The following PGBD5 variants were observed in gnomAD, a reference collection of about 807,000 sequenced individuals.
The protein encoded by PGBD5 is piggyBac transposable element derived 5.
Under a neutral mutation model 47.9 loss-of-function variants are expected in PGBD5, and 14 were observed. The ratio of observed to expected loss-of-function variants is 0.29; its 90% CI spans 0.19 to 0.46. The LOEUF (loss-of-function observed/expected upper bound fraction) is 0.46. Among genes scored for constraint, PGBD5 ranks in the 20% least tolerant of loss-of-function variants. The pLI, the probability that PGBD5 is intolerant of heterozygous loss-of-function variation, is 1.00. For synonymous variants in PGBD5, 316 were observed against 306.3 expected (o/e 1.03, Z -0.33); for missense variants, 635 against 716.0 (o/e 0.89, Z 1.29).
intron 1 of PGBD5, among the ~76,000 whole-genome samples, chr1:230,383,908 C>T (rs1054221483): frequency 1.3e-5 from 2 of 152,108 alleles, no homozygotes; most frequent in Non-Finnish European, 2.9e-5. Flanking sequence ...GGAGATGAAG[C>T]CAGTGGTGAG....
At chr1:230,362,236 C>A in intron 1 of PGBD5, 1 of 1,357,322 alleles carries the variant, frequency 7.4e-7, no homozygotes, top group Non-Finnish European at 9.8e-7. Context: ...CAGGTGAGAC[C>A]TGGCTGGGAT....
Position 230,319,166 on chromosome 1 carries a change from G to A in PGBD5, c.*4259C>T, listed in dbSNP as rs1257511209. Reference sequence around the variant, plus strand: ...GGTCTGCTTACCTGGGCGAACCATTGCACCACTCCATCTGGGCGTGGTGAC... The same window carrying A: ...GGTCTGCTTACCTGGGCGAACCATTACACCACTCCATCTGGGCGTGGTGAC... On this transcript the variant is annotated 3_prime_UTR_variant, in exon 7 of 7. Transcript: ENST00000391860. 1 of 152,244 alleles carries A rather than the reference G, an allele frequency of 6.6e-6. No individual in the cohort carries two copies. The highest frequency in any genetic ancestry group is 1.5e-5 in the Non-Finnish European group (1 of 68,086). The allele number at this position is 152,244 out of a possible 1,614,324, so 9.4% of individuals were successfully genotyped here.
At chr1:230,383,256 T>C (rs1656556670) in intron 1 of PGBD5, among the ~76,000 whole-genome samples, 1 of 151,910 alleles carries the variant, frequency 6.6e-6, no homozygotes, top group South Asian at 2.1e-4. Flanking sequence ...TTTTTTTTTG[T>C]AGAGACAGGG....
chr1:230,345,069 CAG>C (rs1478803326), intron 3 of PGBD5, among the ~76,000 whole-genome samples: 1 of 152,208 alleles, frequency 6.6e-6, no homozygotes, highest in Non-Finnish European at 1.5e-5. Flanking sequence ...CGTGTTCAAA[CAG>C]GAGAAATCTG....
At chr1:230,406,782 A>C (rs939009445) in intron 1 of PGBD5, among the ~76,000 whole-genome samples, 1 of 152,236 alleles carries the variant, frequency 6.6e-6, no homozygotes, top group Non-Finnish European at 1.5e-5. Context: ...AAAAGCAAAA[A>C]CTCAACTATA....
At chr1:230,337,391 G>T in intron 3 of PGBD5, 103 bp from the exon 4 acceptor site, 1 of 1,157,582 alleles carries the variant, frequency 8.6e-7, no homozygotes, top group Non-Finnish European at 1.2e-6. Flanking sequence ...TCATCCAGTT[G>T]GGAGCCCATG....
intron 1 of PGBD5, among the ~76,000 whole-genome samples, chr1:230,404,799 G>A (rs529931313): frequency 1.3e-5 from 2 of 151,108 alleles, no homozygotes; most frequent in Non-Finnish European, 3.0e-5. Flanking sequence ...TGGGCGTGGT[G>A]GAGTAATCCC....
At chr1:230,355,896 G>C (rs183364342) in intron 2 of PGBD5, among the ~76,000 whole-genome samples, 27 of 152,154 alleles carry the variant, frequency 1.8e-4, no homozygotes, top group African/African-American at 6.3e-4. Context: ...CCACAGACAC[G>C]AAATAGGGCA....
intron 1 of PGBD5, among the ~76,000 whole-genome samples, chr1:230,397,345 C>G (rs886310109): frequency 2.0e-5 from 3 of 152,208 alleles, no homozygotes; most frequent in African/African-American, 7.2e-5. Context: ...AAAAACACCA[C>G]CATAGCATTC....
intron 1 of PGBD5, among the ~76,000 whole-genome samples, chr1:230,359,061 A>G (rs1332795753): frequency 6.6e-6 from 1 of 151,314 alleles, no homozygotes; most frequent in African/African-American, 2.4e-5. Context: ...CTGTATATTG[A>G]TTTTTCTTTT....
chr1:230,381,436 C>T (rs1656485937), intron 1 of PGBD5, among the ~76,000 whole-genome samples: 1 of 152,236 alleles, frequency 6.6e-6, no homozygotes, highest in African/African-American at 2.4e-5. Context: ...TTCTCAGTCT[C>T]AGCATCTTGG....
At chr1:230,393,986 C>G (rs987388875) in intron 1 of PGBD5, among the ~76,000 whole-genome samples, 2 of 152,118 alleles carry the variant, frequency 1.3e-5, no homozygotes, top group African/African-American at 2.4e-5. Flanking sequence ...CTCTCCCACT[C>G]TTCTGGCTCA....
At chr1:230,353,598 G>C (rs1667591432) in intron 2 of PGBD5, among the ~76,000 whole-genome samples, 1 of 152,148 alleles carries the variant, frequency 6.6e-6, no homozygotes, top group African/African-American at 2.4e-5. Context: ...TGTGCTGTGT[G>C]TTTGGAGTGC....
At chr1:230,407,458 A>C (rs1360050985) in intron 1 of PGBD5, among the ~76,000 whole-genome samples, 1 of 152,212 alleles carries the variant, frequency 6.6e-6, no homozygotes, top group African/African-American at 2.4e-5. Flanking sequence ...CTCCTTCTGT[A>C]TCTTGTACAG....
intron 4 of PGBD5, among the ~76,000 whole-genome samples, chr1:230,335,950 C>CAG (rs1164814044): frequency 6.6e-6 from 1 of 151,878 alleles, no homozygotes; most frequent in Non-Finnish European, 1.5e-5. Flanking sequence ...CACAAAGACA[C>CAG]AGAGACACAC....
chr1:230,406,639 TA>T (rs1442312285), intron 1 of PGBD5, among the ~76,000 whole-genome samples: 1 of 152,224 alleles, frequency 6.6e-6, no homozygotes, highest in Non-Finnish European at 1.5e-5. Context: ...AATTATTTCA[TA>T]TATTAGCTTT....
chr1:230,368,835 T>G (rs752970328), intron 1 of PGBD5, among the ~76,000 whole-genome samples: 1 of 152,232 alleles, frequency 6.6e-6, no homozygotes, highest in African/African-American at 2.4e-5. Context: ...AGGTAGGGTG[T>G]GCGCTGGGCC....
intron 1 of PGBD5, among the ~76,000 whole-genome samples, chr1:230,424,923 G>T (rs1268779614): frequency 6.6e-6 from 1 of 152,208 alleles, no homozygotes; most frequent in Admixed American, 6.5e-5. Flanking sequence ...GCTTGTCTGT[G>T]GCCACAGTGG....
chr1:230,359,616 T>G (rs1029401838), intron 1 of PGBD5, among the ~76,000 whole-genome samples: 1 of 152,204 alleles, frequency 6.6e-6, no homozygotes, highest in African/African-American at 2.4e-5. Flanking sequence ...AGCTCTAGTT[T>G]TCTTGTAAAA....
Sources: allele counts gnomAD v4.1 joint callset (sites outside exome capture counted in the v4.1 genomes callset), GRCh38; gene constraint gnomAD v4.1.1; transcripts MANE v1.5; gene names NCBI Gene and HGNC (gene_info 2026-07-23, HGNC 2026-07-21).